SHROOM4: variants seen among roughly 807,000 people sequenced by gnomAD.
The protein encoded by SHROOM4 is protein Shroom4.
SHROOM4 carries 17 observed loss-of-function variants against 80.3 expected under a neutral mutation model. The observed-to-expected ratio is 0.21, with a 90% CI of 0.14 to 0.32. The LOEUF (loss-of-function observed/expected upper bound fraction) is 0.32. SHROOM4 is among the 10% of genes least tolerant of loss of function. The pLI is 1.00. For missense variants in SHROOM4, 993 were observed against 1,140.3 expected (o/e 0.87, Z 1.86); for synonymous variants, 400 against 437.5 (o/e 0.91, Z 1.07).
At chrX:50,578,787 T>A in the SHROOM4 span, among the ~76,000 whole-genome samples, 1 of 111,836 alleles carries the variant, frequency 8.9e-6, no homozygotes, top group Non-Finnish European at 1.9e-5. Context: ...TTCTGTGGCA[T>A]GCACTATCTC....
intron 1 of SHROOM4, among the ~76,000 whole-genome samples, chrX:50,802,080 T>C (rs1044370395): frequency 8.9e-6 from 1 of 112,045 alleles, no homozygotes; most frequent in Non-Finnish European, 1.9e-5. Flanking sequence ...CTTCAAGTTC[T>C]AAGTTATACA....
chrX:50,802,130 T>A (rs904574278), intron 1 of SHROOM4, among the ~76,000 whole-genome samples: 7 of 111,805 alleles, frequency 6.3e-5, no homozygotes, highest in African/African-American at 6.5e-5. Context: ...TGACAAAGCA[T>A]CCCACAGATT....
chrX:50,664,022 C>T (rs921366788), intron 2 of SHROOM4, among the ~76,000 whole-genome samples: 1 of 112,057 alleles, frequency 8.9e-6, no homozygotes, highest in Non-Finnish European at 1.9e-5. Flanking sequence ...TGGAAAATGC[C>T]TTTTTAAAAA....
At chrX:50,666,511 A>C (rs782338040) in intron 2 of SHROOM4, among the ~76,000 whole-genome samples, 7 of 111,484 alleles carry the variant, frequency 6.3e-5, no homozygotes, top group Non-Finnish European at 1.3e-4. Flanking sequence ...ACTCATCCTT[A>C]AACTTTTCCT....
intron 1 of SHROOM4, among the ~76,000 whole-genome samples, chrX:50,702,146 T>C (rs1254679356): frequency 8.9e-6 from 1 of 111,991 alleles, no homozygotes; most frequent in African/African-American, 3.2e-5. Flanking sequence ...AATTCTTCAT[T>C]AGGGAAATGT....
intron 5 of SHROOM4, among the ~76,000 whole-genome samples, chrX:50,616,503 T>C (rs1930242268): frequency 8.9e-6 from 1 of 112,049 alleles, no homozygotes; most frequent in Non-Finnish European, 1.9e-5. Flanking sequence ...ATTGCCAACA[T>C]ATGTTGAGGG....
At chrX:50,687,847 G>A (rs138225753) in intron 2 of SHROOM4, among the ~76,000 whole-genome samples, 8,258 of 108,200 alleles carry the variant, frequency 0.076, 869 homozygotes, top group African/African-American at 0.27. Flanking sequence ...GTGACCACGA[G>A]AAATATAACT....
At chrX:50,744,720 G>A (rs1244159156) in intron 1 of SHROOM4, among the ~76,000 whole-genome samples, 1 of 111,530 alleles carries the variant, frequency 9.0e-6, no homozygotes, top group Admixed American at 9.5e-5. Flanking sequence ...TAGTAACTCT[G>A]AATTCTGTTT....
intron 1 of SHROOM4, among the ~76,000 whole-genome samples, chrX:50,777,290 A>G (rs1935532242): frequency 8.9e-6 from 1 of 111,899 alleles, no homozygotes; most frequent in African/African-American, 3.2e-5. Flanking sequence ...AATCACCTCA[A>G]GCTGGAGACT....
chrX:50,581,928 ATATCT>A (rs1557244290), downstream of SHROOM4, among the ~76,000 whole-genome samples: 1 of 111,144 alleles, frequency 9.0e-6, no homozygotes, highest in African/African-American at 3.3e-5. Flanking sequence ...CCTCTACCAC[ATATCT>A]TATACCACTT....
downstream of SHROOM4, among the ~76,000 whole-genome samples, chrX:50,583,043 TAA>T (rs1928693677): frequency 9.2e-6 from 1 of 108,878 alleles, no homozygotes; most frequent in Admixed American, 1.0e-4. Context: ...ATATAGAACA[TAA>T]GAGATTTTCT....
rs1928924531 is a variant in SHROOM4, at chrX:50,592,486, C to T, written c.*4209G>A. On this transcript the variant is annotated 3_prime_UTR_variant, in exon 9 of 9. Coordinates refer to ENST00000376020, the MANE Select transcript of SHROOM4 (RefSeq NM_020717.5). ...AAGTGGCAGAACCAGGATTTGAACA[C>T]AGTTCATTCTAATGCCAAAGCTGGA... 1 of 218,832 alleles carries T rather than the reference C, an allele frequency of 4.6e-6. No individual in the cohort carries two copies. The highest frequency in any genetic ancestry group is 6.5e-5 in the Admixed American group (1 of 15,420). 18.0% of individuals were successfully genotyped at this position (218,832 alleles called of 1,213,427 possible).
At chrX:50,723,393 G>GGAGAGAGAGA (rs782457909) in intron 1 of SHROOM4, among the ~76,000 whole-genome samples, 27 of 54,463 alleles carry the variant, frequency 5.0e-4, no homozygotes, top group African/African-American at 1.1e-3. Context: ...AGCAAGGGAG[G>GGAGAGAGAGA]GAGAGAGAGA....
At chrX:50,807,440 G>T (rs1274471999) in intron 1 of SHROOM4, among the ~76,000 whole-genome samples, 1 of 111,830 alleles carries the variant, frequency 8.9e-6, no homozygotes, top group Admixed American at 9.5e-5. Context: ...CTACATAGGG[G>T]CTCTGTAAAT....
In SHROOM4 at chrX:50,638,325, A is replaced by T; in HGVS notation, c.270-17T>A. 5 of 1,211,497 alleles carry T rather than the reference A, an allele frequency of 4.1e-6. No homozygotes were observed. Among genetic ancestry groups the T allele is most frequent in the Non-Finnish European group, 4.5e-6 (4 of 895,214 alleles). The stretch of plus-strand genomic sequence containing the variant: ...GCGTTCCTCCTACAGCAAGAAAGGG[A>T]CAGGAAGTGGGCTGAAGGAACCAGA... On this transcript the variant is annotated splice_polypyrimidine_tract_variant and intron_variant, in intron 2 of 8. Transcript: ENST00000376020.
intron 1 of SHROOM4, among the ~76,000 whole-genome samples, chrX:50,698,135 T>C (rs1441664130): frequency 1.8e-5 from 2 of 112,646 alleles, no homozygotes; most frequent in Non-Finnish European, 3.8e-5. Flanking sequence ...TTAAACACTC[T>C]GTTACAGCAG....
rs782294022 is a variant in SHROOM4, at chrX:50,634,021, T to A, written c.2052A>T (p.Arg684=). ...SHESRTGLEG[R]ISPGQRPGQS... ...GGCCAGGCCTCTGGCCAGGGCTTAT[T>A]CGTCCCTCTAAGCCTGTCCTAGATT... The change falls in exon 4 of 9, where the codon CGA becomes CGT. Residue 684 remains arginine, a synonymous_variant. Transcript: ENST00000376020. 22 of 1,210,321 alleles carry A rather than the reference T, an allele frequency of 1.8e-5. No homozygotes were observed. Among genetic ancestry groups the A allele is most frequent in the Non-Finnish European group, 2.5e-5 (22 of 895,149 alleles).
At position 50,807,291 on chromosome X, in the gene SHROOM4, A is replaced by C. The variant is rs782567290; in HGVS notation, c.117+6611T>G. Among the ~76,000 whole-genome samples the C allele has an allele frequency of 4.5e-5, 5 of 112,273 alleles. No homozygotes were observed. In the East Asian group the frequency reaches 1.4e-3, roughly 32 times the overall value. On this transcript the variant is annotated intron_variant, in intron 1 of 8. Transcript: ENST00000376020. The stretch of plus-strand genomic sequence containing the variant: ...TCCAGCAGGAGTCACTCTTGTGTGT[A>C]TTCCAGGTACAGACAGAAGAACCCA...
At position 50,723,948 on chromosome X, in the gene SHROOM4, C is replaced by A. The variant is rs782169138; in HGVS notation, c.118-28011G>T. ...TTTAACTAAATTATCTGCTTCCCTG[C>A]ACAGCCACACCTCATTGCCACCTTT... On this transcript the variant is annotated intron_variant, in intron 1 of 8. Transcript: ENST00000376020. 2.7e-5 allele frequency among the ~76,000 whole-genome samples: 3 copies of A among 110,583 alleles called. No individual in the cohort carries two copies. In the South Asian group the frequency reaches 1.2e-3, roughly 43 times the overall value.
Sources: allele counts gnomAD v4.1 joint callset (sites outside exome capture counted in the v4.1 genomes callset), GRCh38; gene constraint gnomAD v4.1.1; transcripts MANE v1.5; gene names NCBI Gene and HGNC (gene_info 2026-07-23, HGNC 2026-07-21).